The following EFNB2 variants were observed in gnomAD, a reference collection of about 807,000 sequenced individuals.
EFNB2 encodes ephrin-B2.
Under a neutral mutation model 32.1 loss-of-function variants are expected in EFNB2, and 5 were observed. That is an observed-to-expected ratio of 0.16 (90% CI 0.08 to 0.33). The LOEUF is 0.33. EFNB2 is among the 10% of genes least tolerant of loss of function. The pLI, the probability that EFNB2 is intolerant of heterozygous loss-of-function variation, is 1.00. For missense variants in EFNB2, 263 were observed against 422.6 expected, an observed-to-expected ratio of 0.62 and a Z score of 3.31; for synonymous variants, 168 against 166.5, an observed-to-expected ratio of 1.01 and a Z score of -0.07.
At position 106,502,056 on chromosome 13, in the gene EFNB2, G is replaced by A. The variant is rs555656737; in HGVS notation, c.407-6216C>T. Among the ~76,000 whole-genome samples the A allele has an allele frequency of 6.6e-5, 10 of 152,290 alleles. No individual in the cohort carries two copies. In the East Asian group the frequency reaches 1.9e-3, roughly 29 times the overall value. On this transcript the variant is annotated intron_variant, in intron 2 of 4. Transcript: ENST00000646441. ...ATAAACTATCAGTGATGTAGGATGTGTGAGTTTTTCACCCGTGAAAATATC... is the reference window on the plus strand; with the variant it reads ...ATAAACTATCAGTGATGTAGGATGTATGAGTTTTTCACCCGTGAAAATATC...
At position 106,491,497 on chromosome 13, in the gene EFNB2, T is replaced by C. The variant is rs1329004668; in HGVS notation, c.*1543A>G. On this transcript the variant is annotated 3_prime_UTR_variant, in exon 5 of 5. Transcript: ENST00000646441. Reference sequence around the variant, plus strand: ...AATATATATTAGTAAAAATCTTTCATTTTATATCCCTTGTGTTCTATATAC... The same window carrying C: ...AATATATATTAGTAAAAATCTTTCACTTTATATCCCTTGTGTTCTATATAC... 1 of 152,632 alleles carries C rather than the reference T, an allele frequency of 6.6e-6. No homozygotes were observed. The highest frequency in any genetic ancestry group is 1.5e-5 in the Non-Finnish European group (1 of 68,042). 9.5% of individuals were successfully genotyped at this position (152,632 alleles called of 1,614,324 possible).
chr13:106,535,230 C>G lies in EFNB2; in HGVS notation c.-266G>C, dbSNP rs1880035672. ...CCGGGGCGCCGCGCCGGACGCAGCT[C>G]GGACGGCCGACTCCCGTGCGGCTCC... On this transcript the variant is annotated 5_prime_UTR_variant, in exon 1 of 5. Coordinates refer to ENST00000646441, the MANE Select transcript of EFNB2 (RefSeq NM_004093.4). 1 of 151,890 alleles carries G rather than the reference C, an allele frequency of 6.6e-6. No individual in the cohort carries two copies. Among genetic ancestry groups the G allele is most frequent in the Admixed American group, 6.7e-5 (1 of 14,860 alleles). 9.4% of individuals were successfully genotyped at this position (151,890 alleles called of 1,614,324 possible).
chr13:106,528,716 G>A (rs1879780764), intron 1 of EFNB2, among the ~76,000 whole-genome samples: 2 of 152,158 alleles, frequency 1.3e-5, no homozygotes, highest in South Asian at 2.1e-4. Context: ...GAACCCAATC[G>A]TGGTTTCAAT....
intron 2 of EFNB2, among the ~76,000 whole-genome samples, chr13:106,499,123 T>A (rs570989168): frequency 5.9e-4 from 90 of 152,248 alleles, no homozygotes; most frequent in African/African-American, 1.9e-3. Context: ...ATAACGTAAT[T>A]CAAAATGACT....
At chr13:106,520,545 AAAG>A (rs1272326993) in intron 1 of EFNB2, 2 of 152,224 alleles carry the variant, frequency 1.3e-5, no homozygotes, top group Non-Finnish European at 2.9e-5. Context: ...GAATACTCCC[AAAG>A]AAGGACTCTG....
rs925341282 is a variant in EFNB2, at chr13:106,490,623, T to G, written c.*2417A>C. The G allele has an allele frequency of 2.6e-5, 4 of 152,066 alleles. No individual in the cohort carries two copies. The highest frequency in any genetic ancestry group is 1.3e-4 in the Admixed American group (2 of 15,260). 9.4% of individuals were successfully genotyped at this position (152,066 alleles called of 1,614,324 possible). A position where few individuals can be genotyped will look rare whatever the true frequency, so the allele number is the denominator to read the frequency against. ...CCTCTCCCCCATCCTAAAAGTAACT[T>G]CTGATGGCTTACAAGAAACTCTTGC... On this transcript the variant is annotated 3_prime_UTR_variant, in exon 5 of 5. Coordinates refer to ENST00000646441, the MANE Select transcript of EFNB2 (RefSeq NM_004093.4).
rs1878504155 is a variant in EFNB2, at chr13:106,493,924, G to A, written c.614-496C>T. Reference sequence around the variant, plus strand: ...AACAGCTCGGGAACGCGGAAGGAGTGAGGGGGCCTGGGAAAATGTTCAGCT... The same window carrying A: ...AACAGCTCGGGAACGCGGAAGGAGTAAGGGGGCCTGGGAAAATGTTCAGCT... On this transcript the variant is annotated intron_variant, in intron 4 of 4. Transcript: ENST00000646441. The surrounding 1 kb of genome is among the most constrained non-coding windows in gnomAD (Gnocchi z 6.1). Among the ~76,000 whole-genome samples, 1 of 152,226 alleles carries A rather than the reference G, an allele frequency of 6.6e-6. No homozygotes were observed. Among genetic ancestry groups the A allele is most frequent in the African/African-American group, 2.4e-5 (1 of 41,460 alleles).
chr13:106,535,022 G>A lies in EFNB2; in HGVS notation c.-58C>T. 1 of 1,600,748 alleles carries A rather than the reference G, an allele frequency of 6.2e-7. No homozygotes were observed. Among genetic ancestry groups the A allele is most frequent in the Non-Finnish European group, 8.5e-7 (1 of 1,174,182 alleles). The stretch of plus-strand genomic sequence containing the variant: ...GCCAAGAAGGGACTGACGGGACGCA[G>A]GCTGGGACCCCCAATCCTCCGGGGC... On this transcript the variant is annotated 5_prime_UTR_variant, in exon 1 of 5. Coordinates refer to ENST00000646441, the MANE Select transcript of EFNB2 (RefSeq NM_004093.4).
intron 1 of EFNB2, among the ~76,000 whole-genome samples, chr13:106,525,948 A>G (rs1258174728): frequency 6.6e-6 from 1 of 152,188 alleles, no homozygotes; most frequent in Non-Finnish European, 1.5e-5. Context: ...GAGATCCCCA[A>G]ACAGCTTTAA....
At position 106,535,043 on chromosome 13, in the gene EFNB2, G is replaced by A; in HGVS notation, c.-79C>T. 3.8e-6 allele frequency: 6 copies of A among 1,559,090 alleles called. No individual in the cohort carries two copies. Among genetic ancestry groups the A allele is most frequent in the South Asian group, 3.5e-5 (3 of 85,610 alleles). ...CGCAGGCTGGGACCCCCAATCCTCC[G>A]GGGCAGACTGGCGGGGAAGACGGCG... On this transcript the variant is annotated 5_prime_UTR_variant, in exon 1 of 5. Transcript: ENST00000646441.
chr13:106,534,374 T>C (rs1479166688), intron 1 of EFNB2, among the ~76,000 whole-genome samples: 1 of 152,110 alleles, frequency 6.6e-6, no homozygotes, highest in Admixed American at 6.5e-5. Flanking sequence ...CAGAACGCGC[T>C]TCGCTGCCAG....
intron 2 of EFNB2, among the ~76,000 whole-genome samples, chr13:106,503,636 G>A (rs1878856325): frequency 1.3e-5 from 2 of 152,168 alleles, no homozygotes; most frequent in Admixed American, 1.3e-4. Flanking sequence ...ACTACATGCT[G>A]TTTGCAAGCA....
At chr13:106,504,433 C>G (rs2138911344) in intron 2 of EFNB2, among the ~76,000 whole-genome samples, 1 of 152,298 alleles carries the variant, frequency 6.6e-6, no homozygotes, top group African/African-American at 2.4e-5. Context: ...ATGGACATCA[C>G]AGCTTAGATG....
At chr13:106,511,654 G>A (rs1050209345) in intron 2 of EFNB2, among the ~76,000 whole-genome samples, 3 of 152,090 alleles carry the variant, frequency 2.0e-5, no homozygotes, top group Non-Finnish European at 2.9e-5. Flanking sequence ...CAAGCCACTG[G>A]AAAATTCAAC....
intron 2 of EFNB2, among the ~76,000 whole-genome samples, chr13:106,497,828 T>A (rs1410211285): frequency 6.6e-6 from 1 of 152,212 alleles, no homozygotes; most frequent in Non-Finnish European, 1.5e-5. Flanking sequence ...TATGAGTTTC[T>A]ATGAGCAGAT....
At chr13:106,503,030 TTTTG>T (rs748786564) in intron 2 of EFNB2, among the ~76,000 whole-genome samples, 22 of 152,334 alleles carry the variant, frequency 1.4e-4, no homozygotes, top group East Asian at 3.9e-4. Flanking sequence ...CCCCCGACTT[TTTTG>T]TTTGTTTGTT....
chr13:106,499,389 G>C (rs193015109), intron 2 of EFNB2, among the ~76,000 whole-genome samples: 2 of 152,122 alleles, frequency 1.3e-5, no homozygotes, highest in Admixed American at 6.5e-5. Flanking sequence ...GCTCTGAAAG[G>C]CTTAGTGGCT....
intron 1 of EFNB2, among the ~76,000 whole-genome samples, chr13:106,515,225 A>G (rs929614827): frequency 6.6e-6 from 1 of 152,194 alleles, no homozygotes; most frequent in African/African-American, 2.4e-5. Context: ...GTTTGAGGCC[A>G]TATTTTCAGA....
chr13:106,499,769 T>A (rs532017717), intron 2 of EFNB2, among the ~76,000 whole-genome samples: 1 of 152,170 alleles, frequency 6.6e-6, no homozygotes, highest in Non-Finnish European at 1.5e-5. Context: ...CTCTATCCAG[T>A]TGGAAAATAG....
Sources: gnomAD v4.1 joint callset for allele counts (sites outside exome capture counted in the v4.1 genomes callset) on GRCh38, gnomAD v4.1.1 for gene constraint, Gnocchi (gnomAD v3.1) non-coding constraint, MANE v1.5 for transcripts, NCBI Gene and HGNC (gene_info 2026-07-23, HGNC 2026-07-21) for gene names.